The following SLC9A5 variants were observed in gnomAD, a reference collection of about 807,000 sequenced individuals.
SLC9A5 encodes the protein solute carrier family 9 member A5.
In SLC9A5, 52 loss-of-function variants were observed where a neutral mutation model predicts 91.7. The ratio of observed to expected loss-of-function variants is 0.57; its 90% CI spans 0.45 to 0.71. SLC9A5 has a LOEUF of 0.71. Among genes scored for constraint, SLC9A5 ranks in the 30% least tolerant of loss-of-function variants. The pLI, the probability that SLC9A5 is intolerant of heterozygous loss-of-function variation, is 0.00. For missense variants in SLC9A5, 871 were observed against 1,158.9 expected, an observed-to-expected ratio of 0.75 and a Z score of 3.61; for synonymous variants, 419 against 474.5, an observed-to-expected ratio of 0.88 and a Z score of 1.52.
At chr16:67,262,378 G>C in intron 12 of SLC9A5, 1 of 413,836 alleles carries the variant, frequency 2.4e-6, no homozygotes, top group Admixed American at 2.7e-5. Flanking sequence ...TCATTAGAGA[G>C]AGACAGAGAT....
Position 67,270,656 on chromosome 16 carries a change from T to A in SLC9A5, c.2219-82T>A, listed in dbSNP as rs1363588241. The stretch of plus-strand genomic sequence containing the variant: ...AAAAATGGACGGCATATGGAAACTG[T>A]GGCATGAATTTATAAGAATGTGCTT... On this transcript the variant is annotated intron_variant, in intron 15 of 15. Coordinates refer to ENST00000299798, the MANE Select transcript of SLC9A5 (RefSeq NM_004594.3). This position sits in a 1 kb window ranked among gnomAD's most constrained non-coding sequence, Gnocchi z 4.3. The A allele has an allele frequency of 9.9e-7, 1 of 1,011,886 alleles. No individual in the cohort carries two copies. Among genetic ancestry groups the A allele is most frequent in the South Asian group, 1.8e-5 (1 of 56,848 alleles). 62.7% of individuals were successfully genotyped at this position (1,011,886 alleles called of 1,614,324 possible). A position where few individuals can be genotyped will look rare whatever the true frequency, so the allele number is the denominator to read the frequency against.
At chr16:67,264,215 T>G (rs777305079) in intron 12 of SLC9A5, 137 bp from the exon 13 acceptor site, 45 of 712,314 alleles carry the variant, frequency 6.3e-5, no homozygotes, top group Non-Finnish European at 9.4e-5. Flanking sequence ...TTTTTTGTTT[T>G]GTTTTTCAAT....
At chr16:67,259,333 C>T (rs904272500) in intron 10 of SLC9A5, among the ~76,000 whole-genome samples, 8 of 126,058 alleles carry the variant, frequency 6.3e-5, no homozygotes, top group African/African-American at 2.6e-4. Flanking sequence ...CACTGCACTC[C>T]AGCTTGGGTG....
chr16:67,264,320 T>C (rs1169667487), intron 12 of SLC9A5, 32 bp from the exon 13 acceptor site: 1 of 1,607,424 alleles, frequency 6.2e-7, no homozygotes. Context: ...AAGGCATCCA[T>C]CCTCATAGCC....
rs1361811155 is a variant in SLC9A5, at chr16:67,271,597, C to A, written c.*387C>A. On this transcript the variant is annotated 3_prime_UTR_variant, in exon 16 of 16. Coordinates refer to ENST00000299798, the MANE Select transcript of SLC9A5 (RefSeq NM_004594.3). ...ATTCCTATTCTTCAGTGGATGCCAG[C>A]CTTCCCTGCCCCAACTCCCTCCCCA... 9.2e-6 allele frequency: 2 copies of A among 216,546 alleles called. No homozygotes were observed. Among genetic ancestry groups the A allele is most frequent in the South Asian group, 8.7e-5 (1 of 11,456 alleles). 13.4% of individuals were successfully genotyped at this position (216,546 alleles called of 1,614,324 possible).
In SLC9A5 at chr16:67,271,244, C is replaced by A. The variant is rs1168736986; in HGVS notation, c.*34C>A. On this transcript the variant is annotated 3_prime_UTR_variant, in exon 16 of 16. Transcript: ENST00000299798. The stretch of plus-strand genomic sequence containing the variant: ...CTCGGGGAGGAGCAGGAGGTGGAAT[C>A]CCTGTGGGAAGTGCTCCCTGGGTGA... 3.8e-6 allele frequency: 6 copies of A among 1,565,054 alleles called. No individual in the cohort carries two copies. The Admixed American group carries it at 7.0e-5, about 18-fold the overall frequency.
intron 1 of SLC9A5, among the ~76,000 whole-genome samples, chr16:67,251,047 A>G (rs1173157657): frequency 6.6e-6 from 1 of 152,228 alleles, no homozygotes; most frequent in Non-Finnish European, 1.5e-5. Context: ...TGCTAGGCAC[A>G]TTTGCATACT....
intron 15 of SLC9A5, among the ~76,000 whole-genome samples, chr16:67,268,176 C>CTTT (rs72054057): frequency 7.8e-6 from 1 of 129,010 alleles, no homozygotes; most frequent in Non-Finnish European, 1.7e-5. Context: ...CATGCCCAGC[C>CTTT]TTTTTTTTTT....
chr16:67,269,080 T>G (rs370298992), intron 15 of SLC9A5, among the ~76,000 whole-genome samples: 1 of 152,062 alleles, frequency 6.6e-6, no homozygotes, highest in African/African-American at 2.4e-5. Flanking sequence ...TTTTGTTGGT[T>G]GCATCCCCAA....
At position 67,255,913 on chromosome 16, in the gene SLC9A5, G is replaced by A. The variant is rs772005631; in HGVS notation, c.894G>A (p.Ser298=). ...YAAYLTAEMA[S]LSAILAVTMC... is the part of the protein sequence containing the mutation. ...CCTACCTCACTGCTGAAATGGCCTC[G>A]CTCTCCGCCATTCTTGCGTGAGTTC... Residue 298 remains serine (S), a synonymous_variant, in exon 5 of 16, where the codon TCG becomes TCA. Coordinates refer to ENST00000299798, the MANE Select transcript of SLC9A5 (RefSeq NM_004594.3). The surrounding 1 kb of genome is among the most constrained non-coding windows in gnomAD (Gnocchi z 4.9). The A allele has an allele frequency of 1.3e-5, 21 of 1,613,290 alleles. No individual in the cohort carries two copies. Among genetic ancestry groups the A allele is most frequent in the South Asian group, 8.8e-5 (8 of 90,876 alleles).
chr16:67,264,638 G>T (rs533274572), intron 13 of SLC9A5, 116 bp downstream of exon 13: 2 of 1,015,918 alleles, frequency 2.0e-6, no homozygotes, highest in East Asian at 4.9e-5. Flanking sequence ...AGTCCTCAGG[G>T]GCTTGATGAC....
At position 67,252,932 on chromosome 16, in the gene SLC9A5, A is replaced by C; in HGVS notation, c.490+88A>C. 8.0e-7 allele frequency: 1 copy of C among 1,244,378 alleles called. No homozygotes were observed. Among genetic ancestry groups the C allele is most frequent in the South Asian group, 1.5e-5 (1 of 67,446 alleles). The allele number at this position is 1,244,378 out of a possible 1,614,324, so 77.1% of individuals were successfully genotyped here. On this transcript the variant is annotated intron_variant, in intron 2 of 15. Coordinates refer to ENST00000299798, the MANE Select transcript of SLC9A5 (RefSeq NM_004594.3). The surrounding 1 kb of genome is among the most constrained non-coding windows in gnomAD (Gnocchi z 4.0). The stretch of plus-strand genomic sequence containing the variant: ...CTGGAGGCCCATGCTGGTGTGAGCC[A>C]TGCCCTGAAAGCTCCATCCTAGGTC...
At chr16:67,264,261 C>T in intron 12 of SLC9A5, 91 bp from the exon 13 acceptor site, 1 of 1,129,354 alleles carries the variant, frequency 8.9e-7, no homozygotes, top group South Asian at 1.4e-5. Flanking sequence ...GCTGGCAGGT[C>T]CTGTGGTGAA....
chr16:67,268,710 A>ATTTTTTTT (rs1289032640), intron 15 of SLC9A5, among the ~76,000 whole-genome samples: 1 of 89,772 alleles, frequency 1.1e-5, no homozygotes. Context: ...ATATATATAT[A>ATTTTTTTT]TTTTTACAGT....
intron 15 of SLC9A5, among the ~76,000 whole-genome samples, chr16:67,267,361 C>T (rs1309729109): frequency 6.6e-6 from 1 of 152,122 alleles, no homozygotes; most frequent in Non-Finnish European, 1.5e-5. Flanking sequence ...GCTGGGATTA[C>T]AGGCATGAGC....
intron 12 of SLC9A5, chr16:67,261,201 G>C (rs1280339481): frequency 1.3e-5 from 2 of 152,202 alleles, no homozygotes; most frequent in African/African-American, 2.4e-5. Flanking sequence ...TCTAGAACTT[G>C]CTATTTCTCT....
At position 67,270,886 on chromosome 16, in the gene SLC9A5, G is replaced by A. The variant is rs778908566; in HGVS notation, c.2367G>A (p.Thr789=). The change falls in exon 16 of 16, where the codon ACG becomes ACA. Residue 789 remains threonine (T), a synonymous_variant. Coordinates refer to ENST00000299798, the MANE Select transcript of SLC9A5 (RefSeq NM_004594.3). The surrounding 1 kb of genome is among the most constrained non-coding windows in gnomAD (Gnocchi z 4.3). The part of the protein sequence containing the change: ...TTKIVPVDMQ[T]GWNQSISSLE... ...AGATTGTGCCTGTGGACATGCAGAC[G>A]GGTTGGAACCAGAGCATCTCATCCC... 18 of 1,613,924 alleles carry A rather than the reference G, an allele frequency of 1.1e-5. No homozygotes were observed. The highest frequency in any genetic ancestry group is 1.0e-4 in the Admixed American group (6 of 59,978).
At position 67,256,212 on chromosome 16, in the gene SLC9A5, G is replaced by C. The variant is rs771829420; in HGVS notation, c.912-257G>C. ...CAGCTCTGGAGGCCGCAGCACTCCA[G>C]AAGGTGCATTAGAGAGCCCGCTAGT... On this transcript the variant is annotated intron_variant, in intron 5 of 15. Coordinates refer to ENST00000299798, the MANE Select transcript of SLC9A5 (RefSeq NM_004594.3). This position sits in a 1 kb window ranked among gnomAD's most constrained non-coding sequence, Gnocchi z 4.1. 1.3e-5 allele frequency among the ~76,000 whole-genome samples: 2 copies of C among 152,176 alleles called. No individual in the cohort carries two copies. Among genetic ancestry groups the C allele is most frequent in the Non-Finnish European group, 2.9e-5 (2 of 68,006 alleles).
In SLC9A5 at chr16:67,249,875, T is replaced by G. The variant is rs530376589; in HGVS notation, c.187+674T>G. ...GCTTTCATACATCCGACCTCTTCAG[T>G]CCTGACAGCATTGAAGGCTGTGCTT... On this transcript the variant is annotated intron_variant, in intron 1 of 15. Transcript: ENST00000299798. Among the ~76,000 whole-genome samples, 18 of 152,320 alleles carry G rather than the reference T, an allele frequency of 1.2e-4. No homozygotes were observed. In the South Asian group the frequency reaches 3.5e-3, roughly 30 times the overall value.
Sources: allele counts gnomAD v4.1 joint callset (sites outside exome capture counted in the v4.1 genomes callset), GRCh38; gene constraint gnomAD v4.1.1; non-coding constraint Gnocchi (gnomAD v3.1); transcripts MANE v1.5; gene names NCBI Gene and HGNC (gene_info 2026-07-23, HGNC 2026-07-21).